NRG3: variants seen among roughly 807,000 people sequenced by gnomAD.
The protein encoded by NRG3 is pro-neuregulin-3, membrane-bound isoform.
In NRG3, 31 loss-of-function variants were observed where a neutral mutation model predicts 66.9. The ratio of observed to expected loss-of-function variants is 0.46; its 90% CI spans 0.35 to 0.63. The LOEUF (loss-of-function observed/expected upper bound fraction) is 0.63. Among genes scored for constraint, NRG3 ranks in the 20% least tolerant of loss-of-function variants. The pLI is 0.00. For missense variants in NRG3, 910 were observed against 878.9 expected (o/e 1.04, Z -0.45); for synonymous variants, 393 against 359.4 (o/e 1.09, Z -1.06).
intron 3 of NRG3, among the ~76,000 whole-genome samples, chr10:82,809,393 T>C (rs1327065451): frequency 6.6e-6 from 1 of 151,708 alleles, no homozygotes; most frequent in Non-Finnish European, 1.5e-5. Flanking sequence ...ATTTATAAAA[T>C]GTGAAAAAAA....
intron 2 of NRG3, among the ~76,000 whole-genome samples, chr10:82,529,819 T>C (rs758660220): frequency 1.3e-5 from 2 of 152,180 alleles, no homozygotes; most frequent in Non-Finnish European, 2.9e-5. Flanking sequence ...CTCTGAAGTG[T>C]GACTATCAAA....
chr10:82,575,328 A>C (rs2045968339), intron 2 of NRG3, among the ~76,000 whole-genome samples: 1 of 151,760 alleles, frequency 6.6e-6, no homozygotes, highest in Non-Finnish European at 1.5e-5. Flanking sequence ...GCATAAGAAA[A>C]AAAGAAGAAA....
At chr10:82,637,113 T>C (rs1409521959) in intron 2 of NRG3, among the ~76,000 whole-genome samples, 1 of 152,162 alleles carries the variant, frequency 6.6e-6, no homozygotes, top group Non-Finnish European at 1.5e-5. Flanking sequence ...ATTTGTTTCA[T>C]GATAGTAACT....
At chr10:82,146,120 T>C (rs2070234203) in intron 1 of NRG3, among the ~76,000 whole-genome samples, 1 of 152,200 alleles carries the variant, frequency 6.6e-6, no homozygotes, top group Non-Finnish European at 1.5e-5. Flanking sequence ...GAAAAAGTAC[T>C]TTTTTCAGTA....
chr10:82,029,579 T>C (rs140257476), intron 1 of NRG3, among the ~76,000 whole-genome samples: 70 of 151,668 alleles, frequency 4.6e-4, no homozygotes, highest in Middle Eastern at 3.4e-3. Context: ...ACGATTTCAT[T>C]ATGTGTCACT....
At chr10:81,956,367 C>T (rs948664591) in intron 1 of NRG3, among the ~76,000 whole-genome samples, 1 of 152,166 alleles carries the variant, frequency 6.6e-6, no homozygotes, top group Admixed American at 6.5e-5. Context: ...GCATCACTTG[C>T]CATAGATGTG....
chr10:82,573,468 T>A (rs963916122), intron 2 of NRG3, among the ~76,000 whole-genome samples: 11 of 151,844 alleles, frequency 7.2e-5, no homozygotes, highest in African/African-American at 2.7e-4. Context: ...ACTTATAAAA[T>A]ACCATTTTAA....
intron 2 of NRG3, among the ~76,000 whole-genome samples, chr10:82,594,306 G>A (rs1302017574): frequency 2.0e-5 from 3 of 152,126 alleles, no homozygotes; most frequent in Non-Finnish European, 2.9e-5. Flanking sequence ...GGTAGCCCCT[G>A]TCTAGCCTAT....
At chr10:82,097,407 C>CAT (rs34621417) in intron 1 of NRG3, among the ~76,000 whole-genome samples, 60,253 of 139,156 alleles carry the variant, frequency 0.43, 13,317 homozygotes, top group South Asian at 0.55. Context: ...CTCCCAGATA[C>CAT]ATATATATAT....
rs747255265 is a variant in NRG3 at position 82,704,754 on chromosome 10, A to G, written c.954-33823A>G. Among the ~76,000 whole-genome samples, 49 of 152,300 alleles carry G rather than the reference A, an allele frequency of 3.2e-4. No homozygotes were observed. The Middle Eastern group carries it at 0.01, about 32-fold the overall frequency. On this transcript the variant is annotated intron_variant, in intron 2 of 8. Coordinates refer to ENST00000372141, the MANE Select transcript of NRG3 (RefSeq NM_001010848.4). ...TATCTTCTGAAATTTTGCAAATATTACCTCATAATTATTCTGAATGCTATT... is the reference window on the plus strand; with the variant it reads ...TATCTTCTGAAATTTTGCAAATATTGCCTCATAATTATTCTGAATGCTATT...
chr10:82,366,915 G>A (rs1330397493), intron 2 of NRG3, among the ~76,000 whole-genome samples: 2 of 152,068 alleles, frequency 1.3e-5, no homozygotes, highest in Non-Finnish European at 2.9e-5. Context: ...TCTGCTTTAC[G>A]AAAGCCTACA....
At chr10:82,687,911 T>C (rs1193600772) in intron 2 of NRG3, among the ~76,000 whole-genome samples, 1 of 152,164 alleles carries the variant, frequency 6.6e-6, no homozygotes, top group Non-Finnish European at 1.5e-5. Context: ...AAATGATTTC[T>C]CCTGCCATTC....
chr10:82,149,216 T>C (rs1166162533), intron 1 of NRG3, among the ~76,000 whole-genome samples: 1 of 152,166 alleles, frequency 6.6e-6, no homozygotes, highest in Non-Finnish European at 1.5e-5. Context: ...AGTGGCAGAC[T>C]ATCAAGTTAT....
At chr10:82,192,145 C>G (rs1013474085) in intron 1 of NRG3, among the ~76,000 whole-genome samples, 5 of 152,270 alleles carry the variant, frequency 3.3e-5, no homozygotes, top group South Asian at 4.1e-4. Flanking sequence ...CCAGACTCCC[C>G]CTTCTGATTG....
rs1331686605 is a variant in NRG3 at position 82,924,037 on chromosome 10, C to T, written c.1055-27432C>T. Among the ~76,000 whole-genome samples, 4 of 141,772 alleles carry T rather than the reference C, an allele frequency of 2.8e-5. No individual in the cohort carries two copies. In the Admixed American group the frequency reaches 3.0e-4, roughly 11 times the overall value. 93.0% of individuals were successfully genotyped at this position (141,772 alleles called of 152,430 possible). A position where few individuals can be genotyped will look rare whatever the true frequency, so the allele number is the denominator to read the frequency against. ...TGCTTGAAGCCAGGAGGCAGTGAGC[C>T]GAGATCATGCCAGTGTACTCCAGCC... On this transcript the variant is annotated intron_variant, in intron 4 of 8. Coordinates refer to ENST00000372141, the MANE Select transcript of NRG3 (RefSeq NM_001010848.4).
chr10:82,172,208 C>T (rs2072675710), intron 1 of NRG3, among the ~76,000 whole-genome samples: 1 of 152,100 alleles, frequency 6.6e-6, no homozygotes, highest in Non-Finnish European at 1.5e-5. Context: ...TTCTATGATT[C>T]CTGCGCTCAT....
intron 2 of NRG3, among the ~76,000 whole-genome samples, chr10:82,639,316 AT>A (rs1345698295): frequency 2.0e-5 from 3 of 152,192 alleles, no homozygotes; most frequent in African/African-American, 7.2e-5. Context: ...GGCCTCTTTT[AT>A]AAGGCTACTA....
At chr10:82,526,740 A>G (rs911364753) in intron 2 of NRG3, among the ~76,000 whole-genome samples, 9 of 152,070 alleles carry the variant, frequency 5.9e-5, no homozygotes, top group Non-Finnish European at 2.9e-5. Context: ...GTAAAAACTG[A>G]TAAGAAAGAA....
In NRG3 at chr10:82,195,800, A is replaced by G. The variant is rs561979222; in HGVS notation, c.824-162939A>G. Among the ~76,000 whole-genome samples the G allele has an allele frequency of 2.0e-5, 3 of 152,302 alleles. No individual in the cohort carries two copies. The East Asian group carries it at 5.8e-4, about 29-fold the overall frequency. ...CGTATAAGTAAACCAGAGAGGCAAGAAAGTCAGTGTCAGAGGGACACAGCA... is the reference window on the plus strand; with the variant it reads ...CGTATAAGTAAACCAGAGAGGCAAGGAAGTCAGTGTCAGAGGGACACAGCA... On this transcript the variant is annotated intron_variant, in intron 1 of 8. Transcript: ENST00000372141.
Sources: allele counts gnomAD v4.1 joint callset (sites outside exome capture counted in the v4.1 genomes callset), GRCh38; gene constraint gnomAD v4.1.1; transcripts MANE v1.5; gene names NCBI Gene and HGNC (gene_info 2026-07-23, HGNC 2026-07-21).